Variants in FOXP1 observed in about 807,000 individuals in gnomAD.
FOXP1 encodes forkhead box P1.
In FOXP1, 15 loss-of-function variants were observed where a neutral mutation model predicts 98.2. That is an observed-to-expected ratio of 0.15 (90% CI 0.10 to 0.24). FOXP1 has a LOEUF of 0.24. Ranked by LOEUF, FOXP1 falls within the 10% of genes least tolerant of loss-of-function variation. The pLI, the probability that FOXP1 is intolerant of heterozygous loss-of-function variation, is 1.00. For synonymous variants in FOXP1, 371 were observed against 314.5 expected, an observed-to-expected ratio of 1.18 and a Z score of -1.90; for missense variants, 633 against 848.5, an observed-to-expected ratio of 0.75 and a Z score of 3.15.
chr3:71,318,658 T>C lies in FOXP1; in HGVS notation c.-72-18778A>G, dbSNP rs1474926974. ...TTCACTATTTAGACGTGGGCTGCTGTTGAATGTCAGGAGAAGCTGGCTGAT... is the reference window on the plus strand; with the variant it reads ...TTCACTATTTAGACGTGGGCTGCTGCTGAATGTCAGGAGAAGCTGGCTGAT... On this transcript the variant is annotated intron_variant, in intron 4 of 20. Coordinates refer to ENST00000649528, the MANE Select transcript of FOXP1 (RefSeq NM_001349338.3). 5.3e-5 allele frequency among the ~76,000 whole-genome samples: 8 copies of C among 152,316 alleles called. No individual in the cohort carries two copies. The East Asian group carries it at 1.5e-3, about 29-fold the overall frequency.
At position 71,397,008 on chromosome 3, in the gene FOXP1, GTATATATATATATATACATATA is replaced by G. The variant is rs1560425015; in HGVS notation, c.-167-37786_-167-37765del. 9.8e-5 allele frequency among the ~76,000 whole-genome samples: 2 copies of G among 20,374 alleles called. 1 individual carries two copies. Among genetic ancestry groups the G allele is most frequent in the African/African-American group, 3.3e-4 (2 of 6,020 alleles). 13.4% of individuals were successfully genotyped at this position (20,374 alleles called of 152,430 possible). Reference sequence around the variant, plus strand: ...TGTATATATATACACATATATATGTGTATATATATATATATACATATATATGTGTATATATATATACACATAT... The same window carrying G: ...TGTATATATATACACATATATATGTGTATGTGTATATATATATACACATAT... On this transcript the variant is annotated intron_variant, in intron 3 of 20. Coordinates refer to ENST00000649528, the MANE Select transcript of FOXP1 (RefSeq NM_001349338.3).
intron 3 of FOXP1, among the ~76,000 whole-genome samples, chr3:71,475,357 C>A (rs181918408): frequency 6.6e-6 from 1 of 152,088 alleles, no homozygotes. Flanking sequence ...ACAGAAAATA[C>A]GTTTGGTCTC....
At chr3:71,315,406 A>G (rs2075018123) in intron 4 of FOXP1, among the ~76,000 whole-genome samples, 1 of 152,214 alleles carries the variant, frequency 6.6e-6, no homozygotes. Context: ...GCCAATAAAA[A>G]AAAAGACAAG....
At chr3:71,542,004 A>G in intron 2 of FOXP1, 1 of 534,392 alleles carries the variant, frequency 1.9e-6, no homozygotes, top group Non-Finnish European at 3.8e-6. Context: ...GCAGTTTCCA[A>G]TACAAACATG....
chr3:71,540,802 C>T (rs897667736), intron 2 of FOXP1, among the ~76,000 whole-genome samples: 2 of 152,166 alleles, frequency 1.3e-5, no homozygotes, highest in African/African-American at 2.4e-5. Context: ...ATATTGTGTA[C>T]ACTTACAAGT....
At position 71,015,973 on chromosome 3, in the gene FOXP1, T is replaced by C. The variant is rs536573749; in HGVS notation, c.870-320A>G. On this transcript the variant is annotated intron_variant, in intron 11 of 20. Transcript: ENST00000649528. Reference sequence around the variant, plus strand: ...CTTTAAAAAGCTAGAACTTATTTAATCTACATAATGAAAATTATAAAATCT... The same window carrying C: ...CTTTAAAAAGCTAGAACTTATTTAACCTACATAATGAAAATTATAAAATCT... Among the ~76,000 whole-genome samples, 110 of 152,316 alleles carry C rather than the reference T, an allele frequency of 7.2e-4. No individual in the cohort carries two copies. The South Asian group carries it at 0.019, about 27-fold the overall frequency.
Position 71,441,929 on chromosome 3 carries a change from T to C in FOXP1, c.-168+51497A>G, listed in dbSNP as rs1333069113. On this transcript the variant is annotated intron_variant, in intron 3 of 20. Coordinates refer to ENST00000649528, the MANE Select transcript of FOXP1 (RefSeq NM_001349338.3). The stretch of plus-strand genomic sequence containing the variant: ...TTTCTAGATTTTATAAAGGTTACTG[T>C]CATTTGCACATAATAAATCTCTGTT... Among the ~76,000 whole-genome samples, 12 of 152,372 alleles carry C rather than the reference T, an allele frequency of 7.9e-5. No homozygotes were observed. The South Asian group carries it at 2.5e-3, about 32-fold the overall frequency.
chr3:71,341,494 C>T (rs1299674432), intron 4 of FOXP1, among the ~76,000 whole-genome samples: 1 of 152,102 alleles, frequency 6.6e-6, no homozygotes, highest in Admixed American at 6.5e-5. Flanking sequence ...AGAGGCAAGG[C>T]GTGGTGGCTA....
chr3:71,203,302 C>T (rs2063788521), intron 5 of FOXP1, among the ~76,000 whole-genome samples: 1 of 152,166 alleles, frequency 6.6e-6, no homozygotes, highest in Non-Finnish European at 1.5e-5. Flanking sequence ...GGAAACATTA[C>T]AGAGCTACTG....
Position 71,321,548 on chromosome 3 carries a change from T to A in FOXP1, c.-72-21668A>T, listed in dbSNP as rs2075391985. On this transcript the variant is annotated intron_variant, in intron 4 of 20. Coordinates refer to ENST00000649528, the MANE Select transcript of FOXP1 (RefSeq NM_001349338.3). ...GGTTTTCAGAGACCCACAACTAGAA[T>A]ATCAAAAGAAATTTCGTGCTCACAA... is the stretch of plus-strand genomic sequence containing the variant. Among the ~76,000 whole-genome samples the A allele has an allele frequency of 2.0e-5, 3 of 152,136 alleles. No individual in the cohort carries two copies. In the South Asian group the frequency reaches 6.2e-4, roughly 32 times the overall value.
intron 11 of FOXP1, among the ~76,000 whole-genome samples, chr3:71,027,851 T>C (rs1231065604): frequency 6.6e-6 from 1 of 152,196 alleles, no homozygotes; most frequent in Non-Finnish European, 1.5e-5. Flanking sequence ...TCAACACTTT[T>C]ATACTGATGG....
intron 3 of FOXP1, among the ~76,000 whole-genome samples, chr3:71,492,477 A>C (rs2091134234): frequency 6.6e-6 from 1 of 152,080 alleles, no homozygotes; most frequent in East Asian, 1.9e-4. Context: ...AAAAAATCAA[A>C]GAGAGAGCCT....
At chr3:71,208,696 T>A (rs1202601991) in intron 5 of FOXP1, among the ~76,000 whole-genome samples, 2 of 152,156 alleles carry the variant, frequency 1.3e-5, no homozygotes, top group African/African-American at 4.8e-5. Flanking sequence ...AAACACATCA[T>A]CTTACAAGAG....
chr3:71,394,252 G>C (rs892560901), intron 3 of FOXP1, among the ~76,000 whole-genome samples: 2 of 152,174 alleles, frequency 1.3e-5, no homozygotes, highest in African/African-American at 4.8e-5. Flanking sequence ...CCTCTTTAGA[G>C]ATACGTTTTT....
At chr3:71,129,421 C>T (rs1230651394) in intron 6 of FOXP1, among the ~76,000 whole-genome samples, 1 of 152,030 alleles carries the variant, frequency 6.6e-6, no homozygotes, top group Non-Finnish European at 1.5e-5. Flanking sequence ...TTGGACAACC[C>T]CAGAGCATAT....
intron 3 of FOXP1, among the ~76,000 whole-genome samples, chr3:71,436,636 A>G (rs1230742778): frequency 1.3e-5 from 2 of 152,146 alleles, no homozygotes; most frequent in African/African-American, 4.8e-5. Context: ...CTAACAAGAA[A>G]AGAACAAAAA....
At chr3:71,398,424 G>A (rs754384291) in intron 3 of FOXP1, among the ~76,000 whole-genome samples, 5 of 152,064 alleles carry the variant, frequency 3.3e-5, no homozygotes, top group African/African-American at 7.2e-5. Context: ...TGAAAACATC[G>A]CCAGCCCTTT....
At chr3:71,502,092 G>T (rs147081673) in intron 2 of FOXP1, among the ~76,000 whole-genome samples, 1 of 152,320 alleles carries the variant, frequency 6.6e-6, no homozygotes, top group Non-Finnish European at 1.5e-5. Flanking sequence ...TCTATAACAA[G>T]TTGCTCTTTA....
chr3:71,438,266 T>C (rs1243381749), intron 3 of FOXP1, among the ~76,000 whole-genome samples: 1 of 152,236 alleles, frequency 6.6e-6, no homozygotes, highest in African/African-American at 2.4e-5. Context: ...AATGAATGAA[T>C]GTTGTCCCTT....
Sources: gnomAD v4.1 joint callset for allele counts (sites outside exome capture counted in the v4.1 genomes callset) on GRCh38, gnomAD v4.1.1 for gene constraint, MANE v1.5 for transcripts, NCBI Gene and HGNC (gene_info 2026-07-23, HGNC 2026-07-21) for gene names.